The following XKR4 variants were observed in gnomAD, a reference collection of about 807,000 sequenced individuals.
XKR4 encodes the protein XK related 4, also known as XK-related protein 4.
A neutral mutation model predicts 53.9 loss-of-function variants in XKR4; 12 were observed. The ratio of observed to expected loss-of-function variants is 0.22; its 90% CI spans 0.14 to 0.36. The LOEUF is 0.36. XKR4 is among the 10% of genes least tolerant of loss of function. The probability of loss-of-function intolerance (pLI) is 1.00; values close to 1 mark genes in which losing one functional copy is unlikely to be tolerated. For missense variants in XKR4, 799 were observed against 859.5 expected (o/e 0.93, Z 0.88); for synonymous variants, 354 against 362.4 (o/e 0.98, Z 0.26).
At chr8:55,158,128 G>A (rs2129356628) in intron 1 of XKR4, among the ~76,000 whole-genome samples, 1 of 152,274 alleles carries the variant, frequency 6.6e-6, no homozygotes, top group Middle Eastern at 3.4e-3. Flanking sequence ...CTCACTGGCA[G>A]TTTGTAAGCC....
intron 1 of XKR4, among the ~76,000 whole-genome samples, chr8:55,191,560 G>A (rs1002015178): frequency 6.6e-5 from 10 of 151,988 alleles, no homozygotes; most frequent in Non-Finnish European, 1.0e-4. Flanking sequence ...TGGCTTTAAT[G>A]TCTATGTAAA....
At chr8:55,183,616 A>C (rs1159024216) in intron 1 of XKR4, among the ~76,000 whole-genome samples, 1 of 152,040 alleles carries the variant, frequency 6.6e-6, no homozygotes, top group Admixed American at 6.6e-5. Flanking sequence ...TATGATTTCT[A>C]TTATTTTAAA....
chr8:55,106,886 A>G (rs80088615), intron 1 of XKR4, among the ~76,000 whole-genome samples: 2,378 of 152,248 alleles, frequency 0.016, 56 homozygotes, highest in African/African-American at 0.054. Flanking sequence ...CATGCTTGCT[A>G]TTCCAGAAGG....
At chr8:55,424,075 G>A (rs1455538698) in intron 2 of XKR4, among the ~76,000 whole-genome samples, 1 of 152,208 alleles carries the variant, frequency 6.6e-6, no homozygotes, top group Non-Finnish European at 1.5e-5. Flanking sequence ...GAGCTTATCT[G>A]TAGGAGCACA....
chr8:55,298,086 T>C (rs1819125759), intron 1 of XKR4, among the ~76,000 whole-genome samples: 2 of 152,222 alleles, frequency 1.3e-5, no homozygotes, highest in South Asian at 4.1e-4. Context: ...TAAAATATTT[T>C]ATACTGGAAG....
chr8:55,473,997 C>A (rs1209674666), intron 2 of XKR4, among the ~76,000 whole-genome samples: 1 of 152,048 alleles, frequency 6.6e-6, no homozygotes, highest in African/African-American at 2.4e-5. Context: ...CCTCCAACAC[C>A]TGGGCTCCAG....
At chr8:55,223,496 A>C (rs1817912741) in intron 1 of XKR4, among the ~76,000 whole-genome samples, 1 of 152,230 alleles carries the variant, frequency 6.6e-6, no homozygotes, top group South Asian at 2.1e-4. Flanking sequence ...AGTGATATAA[A>C]ATAGGATTGT....
intron 2 of XKR4, among the ~76,000 whole-genome samples, chr8:55,431,344 A>C (rs1022079185): frequency 2.6e-5 from 4 of 152,234 alleles, no homozygotes; most frequent in Admixed American, 2.6e-4. Flanking sequence ...TAGGCTGTAC[A>C]ACTCCATGTA....
chr8:55,451,848 G>A lies in XKR4; in HGVS notation c.1007-71433G>A, dbSNP rs924486488. ...GGCTGCTCATGGTCATGCCGTCCGA[G>A]GGCTTCAAGGCTGAGGACGGGGTCA... On this transcript the variant is annotated intron_variant, in intron 2 of 2. Transcript: ENST00000327381. The A allele has an allele frequency of 1.2e-5, 11 of 900,582 alleles. No homozygotes were observed. In the African/African-American group the frequency reaches 1.3e-4, roughly 11 times the overall value. The allele number at this position is 900,582 out of a possible 1,614,324, so 55.8% of individuals were successfully genotyped here.
Position 55,399,154 on chromosome 8 carries a change from A to C in XKR4, c.1006+41277A>C, listed in dbSNP as rs148800180. Among the ~76,000 whole-genome samples, 62 of 152,302 alleles carry C rather than the reference A, an allele frequency of 4.1e-4. 1 individual carries two copies. The highest frequency in any genetic ancestry group is 1.4e-3 in the African/African-American group (59 of 41,582). On this transcript the variant is annotated intron_variant, in intron 2 of 2. Coordinates refer to ENST00000327381, the MANE Select transcript of XKR4 (RefSeq NM_052898.2). ...TAGTGGGATTGGAGCCTCTCTTCTGACACTGACTTCCAGTGGGGAGTCTGG... is the reference window on the plus strand; with the variant it reads ...TAGTGGGATTGGAGCCTCTCTTCTGCCACTGACTTCCAGTGGGGAGTCTGG...
intron 2 of XKR4, among the ~76,000 whole-genome samples, chr8:55,499,195 A>C (rs1806400737): frequency 6.6e-6 from 1 of 152,264 alleles, no homozygotes; most frequent in African/African-American, 2.4e-5. Flanking sequence ...AAATGTGAAA[A>C]TATGAAACCC....
chr8:55,507,240 G>A lies in XKR4; in HGVS notation c.1007-16041G>A, dbSNP rs1806546853. ...CATGTATAAACCCAGAGTTTTTATTGAGAACTTAGACTTGGCTTCTTTAAT... is the reference window on the plus strand; with the variant it reads ...CATGTATAAACCCAGAGTTTTTATTAAGAACTTAGACTTGGCTTCTTTAAT... On this transcript the variant is annotated intron_variant, in intron 2 of 2. Transcript: ENST00000327381. 2.0e-5 allele frequency among the ~76,000 whole-genome samples: 3 copies of A among 152,074 alleles called. No homozygotes were observed. In the South Asian group the frequency reaches 6.2e-4, roughly 32 times the overall value.
At chr8:55,212,872 A>T (rs1414175397) in intron 1 of XKR4, among the ~76,000 whole-genome samples, 1 of 152,228 alleles carries the variant, frequency 6.6e-6, no homozygotes, top group African/African-American at 2.4e-5. Context: ...TATACATTAA[A>T]GAGTATAGGA....
In XKR4 at chr8:55,323,007, T is replaced by C. The variant is rs534895721; in HGVS notation, c.807-34671T>C. ...AAAGAAATATTTCAACGTTTTGCCA[T>C]TCAGTATGATGTTTTCTGTAAGGAT... On this transcript the variant is annotated intron_variant, in intron 1 of 2. Coordinates refer to ENST00000327381, the MANE Select transcript of XKR4 (RefSeq NM_052898.2). Among the ~76,000 whole-genome samples the C allele has an allele frequency of 3.1e-4, 47 of 152,354 alleles. 1 individual carries two copies. The highest frequency in any genetic ancestry group is 1.0e-3 in the South Asian group (5 of 4,828).
intron 1 of XKR4, among the ~76,000 whole-genome samples, chr8:55,261,215 C>T (rs575148194): frequency 1.7e-4 from 26 of 152,238 alleles, no homozygotes; most frequent in Admixed American, 1.2e-3. Context: ...TTGCTAATCA[C>T]GTGACCTTGG....
At chr8:55,104,108 A>T (rs1816104563) in intron 1 of XKR4, among the ~76,000 whole-genome samples, 1 of 152,040 alleles carries the variant, frequency 6.6e-6, no homozygotes, top group Non-Finnish European at 1.5e-5. Context: ...TTACACAGGG[A>T]TCACTTCAGT....
In XKR4 at chr8:55,131,169, C is replaced by CAACAACAACAACAAT. The variant is rs1816549627; in HGVS notation, c.806+27889_806+27890insTAACAACAACAACAA. Among the ~76,000 whole-genome samples, 3 of 151,928 alleles carry CAACAACAACAACAAT rather than the reference C, an allele frequency of 2.0e-5. No homozygotes were observed. The South Asian group carries it at 6.3e-4, about 32-fold the overall frequency. On this transcript the variant is annotated intron_variant, in intron 1 of 2. Transcript: ENST00000327381. ...AGCGAAATGGCTGTCTCAAAAACAA[C>CAACAACAACAACAAT]AACAACAACAACAACAAATGCAGAC... is the stretch of plus-strand genomic sequence containing the variant.
chr8:55,322,923 C>T (rs535292717), intron 1 of XKR4, among the ~76,000 whole-genome samples: 18 of 152,210 alleles, frequency 1.2e-4, no homozygotes, highest in African/African-American at 3.4e-4. Flanking sequence ...GAGGACTTCC[C>T]GTATGTTGTT....
At chr8:55,352,474 T>C (rs541011868) in intron 1 of XKR4, among the ~76,000 whole-genome samples, 1 of 152,362 alleles carries the variant, frequency 6.6e-6, no homozygotes, top group East Asian at 1.9e-4. Context: ...TTTTGTCTTC[T>C]AGGCAGTGGG....
Sources: allele counts gnomAD v4.1 joint callset (sites outside exome capture counted in the v4.1 genomes callset), GRCh38; gene constraint gnomAD v4.1.1; transcripts MANE v1.5; gene names NCBI Gene and HGNC (gene_info 2026-07-23, HGNC 2026-07-21).